Variants in DPP6 observed in about 807,000 individuals in gnomAD.
DPP6 encodes A-type potassium channel modulatory protein DPP6.
In DPP6, 69 loss-of-function variants were observed where a neutral mutation model predicts 122.6. That is an observed-to-expected ratio of 0.56 (90% CI 0.46 to 0.69). DPP6 has a LOEUF of 0.69. DPP6 is among the 30% of genes least tolerant of loss of function. The pLI is 0.00. For missense variants in DPP6, 928 were observed against 1,116.9 expected (o/e 0.83, Z 2.41); for synonymous variants, 418 against 433.1 (o/e 0.97, Z 0.43).
At chr7:154,469,203 A>G (rs1822047304) in intron 2 of DPP6, among the ~76,000 whole-genome samples, 1 of 151,804 alleles carries the variant, frequency 6.6e-6, no homozygotes, top group Middle Eastern at 3.2e-3. Flanking sequence ...AGAAAGTAAA[A>G]CACACACACA....
intron 4 of DPP6, among the ~76,000 whole-genome samples, chr7:154,552,519 A>G (rs1366400160): frequency 2.0e-5 from 3 of 152,216 alleles, no homozygotes; most frequent in Non-Finnish European, 4.4e-5. Context: ...CAAGCTCACA[A>G]TGGGTTTGTT....
chr7:154,535,537 T>C (rs914759454), intron 3 of DPP6, among the ~76,000 whole-genome samples: 1 of 151,868 alleles, frequency 6.6e-6, no homozygotes, highest in African/African-American at 2.4e-5. Flanking sequence ...ATCCCTCCCC[T>C]AGTCCCCCAT....
intron 3 of DPP6, among the ~76,000 whole-genome samples, chr7:154,505,905 T>C (rs1825627933): frequency 6.6e-6 from 1 of 152,186 alleles, no homozygotes; most frequent in Non-Finnish European, 1.5e-5. Flanking sequence ...CAATGCTCTT[T>C]CTTCTTGAGA....
In DPP6 at chr7:154,875,660, G is replaced by A. The variant is rs117117393; in HGVS notation, c.1884-246G>A. On this transcript the variant is annotated intron_variant, in intron 19 of 25. Transcript: ENST00000377770. The surrounding 1 kb of genome is among the most constrained non-coding windows in gnomAD (Gnocchi z 4.5). ...TTTGGTGGCCGTCCCAGACAGCGCC[G>A]GTGTGTGTAGGGATGGCCCTGGGTG... is the stretch of plus-strand genomic sequence containing the variant. 0.024 allele frequency among the ~76,000 whole-genome samples: 3,595 copies of A among 152,228 alleles called. 66 individuals are homozygous for A. The highest frequency in any genetic ancestry group is 0.034 in the Non-Finnish European group (2,343 of 67,978).
At chr7:154,397,507 G>T (rs1040584401) in intron 1 of DPP6, among the ~76,000 whole-genome samples, 3 of 152,146 alleles carry the variant, frequency 2.0e-5, no homozygotes, top group African/African-American at 7.2e-5. Flanking sequence ...AGTCACACCT[G>T]CACTATTGAA....
intron 1 of DPP6, among the ~76,000 whole-genome samples, chr7:154,304,842 C>A (rs1806150153): frequency 1.3e-5 from 2 of 152,218 alleles, no homozygotes; most frequent in Non-Finnish European, 2.9e-5. Flanking sequence ...AAACAAAGGG[C>A]ATCCCTCCTG....
At chr7:153,989,082 G>T (rs545384289) in intron 1 of DPP6, among the ~76,000 whole-genome samples, 1 of 150,754 alleles carries the variant, frequency 6.6e-6, no homozygotes, top group Admixed American at 6.7e-5. Flanking sequence ...GACAGCGCCC[G>T]CGAGGTGCTG....
chr7:154,331,974 A>G (rs1808983631), intron 1 of DPP6, among the ~76,000 whole-genome samples: 1 of 152,160 alleles, frequency 6.6e-6, no homozygotes, highest in African/African-American at 2.4e-5. Flanking sequence ...ATTCTCACCA[A>G]TTTGGGTGAT....
chr7:154,018,365 A>T (rs2129051107), intron 1 of DPP6, among the ~76,000 whole-genome samples: 2 of 152,218 alleles, frequency 1.3e-5, no homozygotes, highest in South Asian at 4.2e-4. Flanking sequence ...AAGGCACTGA[A>T]AGGGGATGAG....
At chr7:154,873,068 G>T (rs1284240616) in intron 19 of DPP6, among the ~76,000 whole-genome samples, 1 of 152,262 alleles carries the variant, frequency 6.6e-6, no homozygotes, top group Non-Finnish European at 1.5e-5. Context: ...CCCTGAGCCC[G>T]TGGGTCTCAC....
intron 3 of DPP6, among the ~76,000 whole-genome samples, chr7:154,499,712 A>G (rs1046933214): frequency 2.6e-5 from 4 of 152,122 alleles, no homozygotes; most frequent in African/African-American, 9.7e-5. Context: ...AACAAGTCAT[A>G]GTGAATCTCT....
intron 1 of DPP6, among the ~76,000 whole-genome samples, chr7:154,134,436 G>A (rs1235813591): frequency 6.6e-6 from 1 of 152,174 alleles, no homozygotes; most frequent in African/African-American, 2.4e-5. Context: ...AGGGAAGGAA[G>A]AAGACATGGC....
intron 1 of DPP6, among the ~76,000 whole-genome samples, chr7:153,904,687 G>T (rs189880582): frequency 3.3e-5 from 5 of 152,134 alleles, no homozygotes; most frequent in African/African-American, 9.7e-5. Flanking sequence ...TATAGTCCTC[G>T]CCTTCCTTCT....
At chr7:154,080,640 C>G (rs1803922496) in intron 1 of DPP6, among the ~76,000 whole-genome samples, 2 of 152,290 alleles carry the variant, frequency 1.3e-5, no homozygotes, top group South Asian at 2.1e-4. Flanking sequence ...TGGTGCCACC[C>G]AAGGTCATAC....
At chr7:154,242,426 A>G (rs991357790) in intron 1 of DPP6, among the ~76,000 whole-genome samples, 1 of 146,242 alleles carries the variant, frequency 6.8e-6, no homozygotes. Flanking sequence ...ATATATTCCC[A>G]TAGGCTAGCA....
intron 1 of DPP6, among the ~76,000 whole-genome samples, chr7:154,438,489 A>G (rs1057124265): frequency 3.3e-5 from 5 of 149,450 alleles, no homozygotes; most frequent in Admixed American, 1.3e-4. Flanking sequence ...AAAAAAAAAA[A>G]AAAAAAAAGA....
intron 1 of DPP6, among the ~76,000 whole-genome samples, chr7:154,189,407 A>G (rs954142442): frequency 1.8e-4 from 28 of 152,234 alleles, no homozygotes; most frequent in Non-Finnish European, 3.4e-4. Context: ...TTTAATATTA[A>G]TACTGTTTAT....
intron 1 of DPP6, among the ~76,000 whole-genome samples, chr7:154,302,766 T>C (rs970677398): frequency 6.6e-6 from 1 of 152,224 alleles, no homozygotes; most frequent in South Asian, 2.1e-4. Flanking sequence ...CATGCACCGC[T>C]GAGCATTCCC....
chr7:154,799,747 A>G (rs1031983359), intron 12 of DPP6, among the ~76,000 whole-genome samples: 4 of 152,238 alleles, frequency 2.6e-5, no homozygotes, highest in Non-Finnish European at 4.4e-5. Context: ...TGTGTGATAA[A>G]TTCTGTTATC....
Sources: allele counts gnomAD v4.1 joint callset (sites outside exome capture counted in the v4.1 genomes callset), GRCh38; gene constraint gnomAD v4.1.1; non-coding constraint Gnocchi (gnomAD v3.1); transcripts MANE v1.5; gene names NCBI Gene and HGNC (gene_info 2026-07-23, HGNC 2026-07-21).